The following CPLX2 variants were observed in gnomAD, a reference collection of about 807,000 sequenced individuals.
CPLX2 encodes complexin 2, also known as complexin-2.
CPLX2 carries 5 observed loss-of-function variants against 16.3 expected under a neutral mutation model. The observed-to-expected ratio is 0.31, with a 90% confidence interval of 0.16 to 0.64. The LOEUF (loss-of-function observed/expected upper bound fraction) is 0.64, where lower values mean the gene tolerates loss of function less well. Ranked by LOEUF, CPLX2 falls within the 30% of genes least tolerant of loss-of-function variation. The probability of loss-of-function intolerance (pLI) is 0.79; values close to 1 mark genes in which losing one functional copy is unlikely to be tolerated. For synonymous variants in CPLX2, 89 were observed against 73.2 expected (o/e 1.22, Z -1.10); for missense variants, 144 against 181.4 (o/e 0.79, Z 1.18).
At chr5:175,837,579 G>C (rs748037874) in intron 2 of CPLX2, 1 of 152,228 alleles carries the variant, frequency 6.6e-6, no homozygotes, top group Non-Finnish European at 1.5e-5. Flanking sequence ...AGATGGATTC[G>C]GGGCGTACTG....
intron 2 of CPLX2, among the ~76,000 whole-genome samples, chr5:175,863,993 A>G (rs1306881563): frequency 6.6e-6 from 1 of 152,230 alleles, no homozygotes; most frequent in Non-Finnish European, 1.5e-5. Context: ...GAGTTCTTTG[A>G]CCAAGAGGAT....
At chr5:175,846,797 T>G (rs1478048358) in intron 2 of CPLX2, among the ~76,000 whole-genome samples, 1 of 152,194 alleles carries the variant, frequency 6.6e-6, no homozygotes, top group Non-Finnish European at 1.5e-5. Context: ...AGTTTGCTTT[T>G]GCACTGAATC....
chr5:175,857,942 C>T (rs912470479), intron 2 of CPLX2, among the ~76,000 whole-genome samples: 2 of 152,194 alleles, frequency 1.3e-5, no homozygotes, highest in Admixed American at 6.5e-5. Context: ...TTGATTCCAG[C>T]TGCTGGTAGC....
At chr5:175,807,852 C>A (rs1245625740) in intron 1 of CPLX2, among the ~76,000 whole-genome samples, 1 of 152,168 alleles carries the variant, frequency 6.6e-6, no homozygotes, top group Non-Finnish European at 1.5e-5. Context: ...TAGGAGGTAA[C>A]GGTGCCTGGA....
At chr5:175,866,363 T>G (rs977581030) in intron 2 of CPLX2, among the ~76,000 whole-genome samples, 1 of 151,834 alleles carries the variant, frequency 6.6e-6, no homozygotes, top group African/African-American at 2.4e-5. Context: ...TAAATGAGAG[T>G]TGGAAAAAGA....
intron 3 of CPLX2, 150 bp downstream of exon 3, chr5:175,879,233 A>T: frequency 1.2e-6 from 1 of 810,210 alleles, no homozygotes; most frequent in South Asian, 1.8e-5. Flanking sequence ...AACGGGTATC[A>T]CAAGGTCACC....
intron 2 of CPLX2, among the ~76,000 whole-genome samples, chr5:175,834,789 G>A (rs374419270): frequency 3.3e-5 from 5 of 152,172 alleles, no homozygotes; most frequent in Admixed American, 6.5e-5. Context: ...CAGGAGAATC[G>A]CTTGAACCTG....
At chr5:175,875,964 G>T (rs375204488) in intron 1 of CPLX2, among the ~76,000 whole-genome samples, 1 of 152,186 alleles carries the variant, frequency 6.6e-6, no homozygotes, top group East Asian at 1.9e-4. Context: ...AATGTCTGAT[G>T]AATGCATGCT....
upstream of CPLX2, among the ~76,000 whole-genome samples, chr5:175,867,914 C>A (rs1236574883): frequency 6.6e-6 from 1 of 152,236 alleles, no homozygotes; most frequent in Admixed American, 6.5e-5. Flanking sequence ...CGGCCATTGT[C>A]AGTGACAAGA....
At chr5:175,842,372 C>T (rs1284932515) in intron 2 of CPLX2, among the ~76,000 whole-genome samples, 2 of 152,200 alleles carry the variant, frequency 1.3e-5, no homozygotes, top group Non-Finnish European at 2.9e-5. Context: ...ATTATCTCCT[C>T]CTAAAGAAAA....
At chr5:175,871,514 G>C (rs532174561), upstream of CPLX2, 2 of 147,230 alleles carry the variant, frequency 1.4e-5, no homozygotes, top group Admixed American at 6.9e-5. Context: ...GAAGGGGAGC[G>C]GTAGAACGTC....
At chr5:175,851,438 T>C (rs1013464872) in intron 2 of CPLX2, among the ~76,000 whole-genome samples, 13 of 152,172 alleles carry the variant, frequency 8.5e-5, no homozygotes, top group Non-Finnish European at 1.5e-4. Flanking sequence ...CACGTGCAGC[T>C]TGAGGTGCTG....
In CPLX2 at chr5:175,878,646, C is replaced by A; in HGVS notation, c.-88-6C>A. 1.4e-6 allele frequency: 2 copies of A among 1,441,412 alleles called. No homozygotes were observed. Among genetic ancestry groups the A allele is most frequent in the Non-Finnish European group, 1.9e-6 (2 of 1,043,696 alleles). 89.3% of individuals were successfully genotyped at this position (1,441,412 alleles called of 1,614,324 possible). A position where few individuals can be genotyped will look rare whatever the true frequency, so the allele number is the denominator to read the frequency against. On this transcript the variant is annotated splice_polypyrimidine_tract_variant and splice_region_variant and intron_variant, in intron 1 of 3. Transcript: ENST00000393745. ...CTCCCATCTGACTCCCAATTCTCTT[C>A]TGCAGGTTGTCACATCTTCCCAAGC...
rs1428292944 is a variant in CPLX2, at chr5:175,880,055, CT to C, written c.*11del. 1 of 1,607,752 alleles carries C rather than the reference CT, an allele frequency of 6.2e-7. No homozygotes were observed. Among genetic ancestry groups the C allele is most frequent in the Non-Finnish European group, 8.5e-7 (1 of 1,177,030 alleles). ...CATGTTCAAGAAGTAACCAGGCCTC[CT>C]GCCCCAGCCTACTCCACCTGTTACT... On this transcript the variant is annotated 3_prime_UTR_variant, in exon 4 of 4. Coordinates refer to ENST00000393745, the MANE Select transcript of CPLX2 (RefSeq NM_001008220.2).
chr5:175,879,008 G>C lies in CPLX2; in HGVS notation c.132G>C (p.Gln44His). ...EEERQEALRQQEEERKAKHAR... is the reference protein window; with the variant it reads ...EEERQEALRQHEEERKAKHAR... Reference sequence around the variant, plus strand: ...AGCGGCAGGAGGCGCTGCGGCAGCAGGAGGAGGAGCGTAAGGCCAAGCACG... The same window carrying C: ...AGCGGCAGGAGGCGCTGCGGCAGCACGAGGAGGAGCGTAAGGCCAAGCACG... The change falls in exon 3 of 4, where the codon CAG (glutamine) becomes CAC (histidine). Residue 44 changes from glutamine (Q) to histidine (H), a missense_variant. Physicochemically the swap from Gln to His is conservative, Grantham distance 24. Coordinates refer to ENST00000393745, the MANE Select transcript of CPLX2 (RefSeq NM_001008220.2). 1.3e-6 allele frequency: 2 copies of C among 1,596,734 alleles called. No individual in the cohort carries two copies. The highest frequency in any genetic ancestry group is 2.3e-5 in the South Asian group (2 of 87,968).
At chr5:175,871,441 G>GAGAGAGAA (rs1561790370), upstream of CPLX2, 52 of 83,198 alleles carry the variant, frequency 6.3e-4, 2 homozygotes, top group African/African-American at 2.1e-3. Context: ...GACAGAGAGA[G>GAGAGAGAA]AGAGAGAGAG....
intron 1 of CPLX2, among the ~76,000 whole-genome samples, chr5:175,806,262 C>T (rs1199075368): frequency 6.6e-6 from 1 of 151,962 alleles, no homozygotes; most frequent in Non-Finnish European, 1.5e-5. Context: ...GTAAACCATG[C>T]ATCCCCCGTG....
intron 2 of CPLX2, among the ~76,000 whole-genome samples, chr5:175,858,054 C>A (rs1759294133): frequency 6.6e-6 from 1 of 152,232 alleles, no homozygotes; most frequent in South Asian, 2.1e-4. Context: ...AATGAGGAAA[C>A]TTAGGCTCAG....
intron 1 of CPLX2, among the ~76,000 whole-genome samples, chr5:175,804,119 A>G (rs1256064775): frequency 6.6e-6 from 1 of 152,242 alleles, no homozygotes; most frequent in East Asian, 1.9e-4. Context: ...TGATGAATAA[A>G]ATATCAAAAT....
Sources: gnomAD v4.1 joint callset for allele counts (sites outside exome capture counted in the v4.1 genomes callset) on GRCh38, gnomAD v4.1.1 for gene constraint, MANE v1.5 for transcripts, NCBI Gene and HGNC (gene_info 2026-07-23, HGNC 2026-07-21) for gene names.